Variants in LRP1B observed in about 807,000 individuals in gnomAD.
LRP1B encodes the protein LDL receptor related protein 1B.
A neutral mutation model predicts 556.6 loss-of-function variants in LRP1B; 217 were observed. The observed-to-expected ratio is 0.39, with a 90% confidence interval of 0.35 to 0.44. The LOEUF (loss-of-function observed/expected upper bound fraction) is 0.44. Among genes scored for constraint, LRP1B ranks in the 20% least tolerant of loss-of-function variants. The pLI is 1.00. For synonymous variants in LRP1B, 2,047 were observed against 1,865.8 expected (o/e 1.10, Z -2.50); for missense variants, 5,053 against 5,620.8 (o/e 0.90, Z 3.23).
intron 1 of LRP1B, among the ~76,000 whole-genome samples, chr2:141,852,604 A>G (rs868403358): frequency 6.6e-6 from 1 of 151,778 alleles, no homozygotes; most frequent in African/African-American, 2.4e-5. Context: ...AAAGAGACCA[A>G]TAGGTCAATA....
intron 35 of LRP1B, among the ~76,000 whole-genome samples, chr2:140,755,459 T>A (rs1357260187): frequency 6.6e-6 from 1 of 151,970 alleles, no homozygotes; most frequent in Non-Finnish European, 1.5e-5. Flanking sequence ...TAAACAGAAG[T>A]ATCACCATGA....
chr2:140,625,735 G>A (rs566135026), intron 41 of LRP1B, among the ~76,000 whole-genome samples: 9 of 152,246 alleles, frequency 5.9e-5, no homozygotes, highest in African/African-American at 2.2e-4. Flanking sequence ...AAATGCTGAT[G>A]GGGCTATAGA....
intron 5 of LRP1B, among the ~76,000 whole-genome samples, chr2:141,238,661 A>G (rs1195065921): frequency 2.0e-5 from 3 of 152,142 alleles, no homozygotes; most frequent in African/African-American, 7.2e-5. Context: ...AAATTCTATG[A>G]AAGTGAGTAA....
chr2:141,009,469 T>C lies in LRP1B; in HGVS notation c.2381-4012A>G, dbSNP rs532019356. On this transcript the variant is annotated intron_variant, in intron 14 of 90. Transcript: ENST00000389484. ...ATTTGACATGCTTTGAAGCCACTTATGTAAGTGTGTGTGTGTAACTATATT... is the reference window on the plus strand; with the variant it reads ...ATTTGACATGCTTTGAAGCCACTTACGTAAGTGTGTGTGTGTAACTATATT... Among the ~76,000 whole-genome samples, 8 of 152,088 alleles carry C rather than the reference T, an allele frequency of 5.3e-5. No homozygotes were observed. In the East Asian group the frequency reaches 1.2e-3, roughly 22 times the overall value.
intron 2 of LRP1B, among the ~76,000 whole-genome samples, chr2:141,523,480 C>CCTTACATGT (rs1162334671): frequency 2.6e-5 from 4 of 151,976 alleles, no homozygotes; most frequent in Non-Finnish European, 5.9e-5. Flanking sequence ...TTAACATAAA[C>CCTTACATGT]AAGCACCTTA....
chr2:140,273,050 A>G (rs1487337388), intron 85 of LRP1B, among the ~76,000 whole-genome samples: 1 of 151,908 alleles, frequency 6.6e-6, no homozygotes, highest in Non-Finnish European at 1.5e-5. Context: ...TCTTCCTTAC[A>G]TAAAGGGAAG....
chr2:140,544,775 A>G (rs114876401), intron 43 of LRP1B, among the ~76,000 whole-genome samples: 130 of 152,242 alleles, frequency 8.5e-4, no homozygotes, highest in African/African-American at 3.0e-3. Flanking sequence ...TAGGGCTGTA[A>G]TTAACATCCA....
intron 2 of LRP1B, among the ~76,000 whole-genome samples, chr2:141,597,055 TAC>T (rs35647921): frequency 0.36 from 52,679 of 146,876 alleles, 10,647 homozygotes; most frequent in African/African-American, 0.58. Context: ...TCTGACATTT[TAC>T]ACACACACAC....
At chr2:140,468,564 C>A (rs534532347) in intron 60 of LRP1B, among the ~76,000 whole-genome samples, 2 of 152,272 alleles carry the variant, frequency 1.3e-5, no homozygotes, top group South Asian at 4.1e-4. Context: ...CCTGGGAGAG[C>A]CACAGGCATG....
chr2:141,138,902 C>T (rs1701558726), intron 7 of LRP1B, among the ~76,000 whole-genome samples: 1 of 151,600 alleles, frequency 6.6e-6, no homozygotes, highest in Admixed American at 6.6e-5. Context: ...CCTAGAATAG[C>T]CAATAACAGC....
chr2:142,081,176 T>C (rs2104930957), intron 1 of LRP1B, among the ~76,000 whole-genome samples: 1 of 152,226 alleles, frequency 6.6e-6, no homozygotes, highest in African/African-American at 2.4e-5. Flanking sequence ...AGCTTTATTT[T>C]TAGAGAGGTA....
intron 2 of LRP1B, among the ~76,000 whole-genome samples, chr2:141,540,500 T>C (rs192534911): frequency 2.0e-4 from 30 of 152,204 alleles, no homozygotes; most frequent in African/African-American, 7.0e-4. Context: ...ATAATTTTAA[T>C]GACAGTTGAA....
At chr2:140,569,414 A>G (rs765512583) in intron 43 of LRP1B, among the ~76,000 whole-genome samples, 7 of 151,956 alleles carry the variant, frequency 4.6e-5, no homozygotes, top group Middle Eastern at 3.2e-3. Context: ...ATAAGTAACT[A>G]TATCTGCATC....
chr2:141,520,605 A>T (rs991751141), intron 2 of LRP1B, among the ~76,000 whole-genome samples: 3 of 152,106 alleles, frequency 2.0e-5, no homozygotes, highest in Non-Finnish European at 4.4e-5. Flanking sequence ...TGACTGCCTC[A>T]ACTGTGACGG....
In LRP1B at chr2:141,372,124, T is replaced by C. The variant is rs572368433; in HGVS notation, c.343+108272A>G. On this transcript the variant is annotated intron_variant, in intron 3 of 90. Coordinates refer to ENST00000389484, the MANE Select transcript of LRP1B (RefSeq NM_018557.3). ...TTCTGCATCTATTCAGATGATCATA[T>C]AGTTTTTTTCATGTGATTTTGAACA... Among the ~76,000 whole-genome samples, 11 of 152,274 alleles carry C rather than the reference T, an allele frequency of 7.2e-5. No homozygotes were observed. In the South Asian group the frequency reaches 1.2e-3, roughly 17 times the overall value.
chr2:140,282,891 C>T (rs72892246), intron 84 of LRP1B, among the ~76,000 whole-genome samples: 5,581 of 151,852 alleles, frequency 0.037, 114 homozygotes, highest in South Asian at 0.083. Context: ...CAGACATGAT[C>T]AACTCTGGGT....
At chr2:140,516,832 A>G (rs941175693) in intron 50 of LRP1B, 57 bp downstream of exon 50, 2 of 1,523,618 alleles carry the variant, frequency 1.3e-6, no homozygotes, top group Non-Finnish European at 9.1e-7. Flanking sequence ...ATAAGAGAAT[A>G]CTAACATATA....
chr2:141,868,510 C>T (rs556235217), intron 1 of LRP1B, among the ~76,000 whole-genome samples: 2 of 152,068 alleles, frequency 1.3e-5, no homozygotes, highest in African/African-American at 4.8e-5. Context: ...ATTGCGGTAA[C>T]AGACAACAGA....
At chr2:141,005,297 C>G (rs761901243) in intron 15 of LRP1B, 38 bp downstream of exon 15, 3 of 1,599,632 alleles carry the variant, frequency 1.9e-6, no homozygotes, top group Non-Finnish European at 2.6e-6. Context: ...TCAGAAAGAG[C>G]CCGATAAACA....
Sources: gnomAD v4.1 joint callset for allele counts (sites outside exome capture counted in the v4.1 genomes callset) on GRCh38, gnomAD v4.1.1 for gene constraint, MANE v1.5 for transcripts, NCBI Gene and HGNC (gene_info 2026-07-23, HGNC 2026-07-21) for gene names.